Variants in INPP4A observed in about 807,000 individuals in gnomAD.
INPP4A encodes the protein inositol polyphosphate-4-phosphatase, type I, 107kD.
A neutral mutation model predicts 119.8 loss-of-function variants in INPP4A; 33 were observed. That is an observed-to-expected ratio of 0.28 (90% CI 0.21 to 0.37). The LOEUF (loss-of-function observed/expected upper bound fraction) is 0.37, where lower values mean the gene tolerates loss of function less well. INPP4A is among the 10% of genes least tolerant of loss of function. INPP4A has a pLI of 1.00. For synonymous variants in INPP4A, 496 were observed against 500.7 expected, an observed-to-expected ratio of 0.99 and a Z score of 0.12; for missense variants, 956 against 1,289.9, an observed-to-expected ratio of 0.74 and a Z score of 3.97.
In INPP4A at chr2:98,539,476, A is replaced by G. The variant is rs376200371; in HGVS notation, c.671-52A>G. On this transcript the variant is annotated intron_variant, in intron 9 of 24. Coordinates refer to ENST00000409851, the MANE Select transcript of INPP4A (RefSeq NM_001134225.2). Reference sequence around the variant, plus strand: ...GCCGGGGGAGGAGAACCCATGAGGCAGGTCTGCAGCCAGTTCATTTGCAGC... The same window carrying G: ...GCCGGGGGAGGAGAACCCATGAGGCGGGTCTGCAGCCAGTTCATTTGCAGC... The G allele has an allele frequency of 4.5e-6, 7 of 1,567,272 alleles. No individual in the cohort carries two copies. The African/African-American group carries it at 9.5e-5, about 21-fold the overall frequency.
At chr2:98,575,681 G>A (rs1041221452) in intron 23 of INPP4A, among the ~76,000 whole-genome samples, 2 of 152,056 alleles carry the variant, frequency 1.3e-5, no homozygotes, top group Non-Finnish European at 2.9e-5. Flanking sequence ...GATGATCCTG[G>A]TAGTGACTGG....
At position 98,554,244 on chromosome 2, in the gene INPP4A, G is replaced by T; in HGVS notation, c.1348-27G>T. The T allele has an allele frequency of 1.3e-6, 2 of 1,563,672 alleles. No individual in the cohort carries two copies. Among genetic ancestry groups the T allele is most frequent in the Non-Finnish European group, 8.7e-7 (1 of 1,152,364 alleles). On this transcript the variant is annotated intron_variant, in intron 14 of 24. Transcript: ENST00000409851. This position sits in a 1 kb window ranked among gnomAD's most constrained non-coding sequence, Gnocchi z 4.7. ...CTCCCCAGCCCCTGGCCTGGGCTCA[G>T]CAGCCTTGGTTTGTGTGCACCTGCA...
chr2:98,468,025 T>C (rs1046822733), intron 1 of INPP4A, among the ~76,000 whole-genome samples: 1 of 152,220 alleles, frequency 6.6e-6, no homozygotes, highest in Non-Finnish European at 1.5e-5. Context: ...CAGCCTCATC[T>C]TTGTCGAGTT....
intron 1 of INPP4A, among the ~76,000 whole-genome samples, chr2:98,508,037 A>G (rs1388356504): frequency 6.6e-6 from 1 of 152,164 alleles, no homozygotes; most frequent in Non-Finnish European, 1.5e-5. Flanking sequence ...GGCAAAGGAC[A>G]TTGCTGTGGC....
intron 1 of INPP4A, among the ~76,000 whole-genome samples, chr2:98,498,310 A>G (rs1360473684): frequency 1.3e-5 from 2 of 151,944 alleles, no homozygotes; most frequent in African/African-American, 4.8e-5. Context: ...TGATGGTTTG[A>G]TGAAGGGAAA....
At chr2:98,515,380 G>A (rs1574858169) in intron 1 of INPP4A, among the ~76,000 whole-genome samples, 2 of 149,436 alleles carry the variant, frequency 1.3e-5, no homozygotes, top group African/African-American at 4.9e-5. Context: ...CAGAGGCACA[G>A]TGAAGCTTCT....
In INPP4A at chr2:98,453,732, G is replaced by C. The variant is rs375348454; in HGVS notation, c.-166+8647G>C. 1.7e-4 allele frequency among the ~76,000 whole-genome samples: 26 copies of C among 152,288 alleles called. No individual in the cohort carries two copies. In the East Asian group the frequency reaches 4.4e-3, roughly 26 times the overall value. ...GTGAGGGCCAGTGGGAGTGGAGCTG[G>C]GGGCGTGAGGAGCAGGCACAAAGTC... On this transcript the variant is annotated intron_variant, in intron 1 of 24. Transcript: ENST00000409851.
chr2:98,463,376 G>A (rs953123689), intron 1 of INPP4A, among the ~76,000 whole-genome samples: 10 of 152,196 alleles, frequency 6.6e-5, no homozygotes, highest in African/African-American at 9.7e-5. Flanking sequence ...ATGGTGTCTC[G>A]CTGAGGCTGG....
intron 5 of INPP4A, among the ~76,000 whole-genome samples, chr2:98,535,523 A>G (rs1025176832): frequency 6.6e-6 from 1 of 152,184 alleles, no homozygotes; most frequent in Non-Finnish European, 1.5e-5. Flanking sequence ...GTAATGGTCT[A>G]TGTCAGACTT....
At chr2:98,492,345 A>C (rs765930144) in intron 1 of INPP4A, among the ~76,000 whole-genome samples, 8 of 152,060 alleles carry the variant, frequency 5.3e-5, no homozygotes, top group Non-Finnish European at 8.8e-5. Flanking sequence ...ATGATAGAAA[A>C]ATTTTCTCCT....
At chr2:98,520,818 T>C (rs914857271) in intron 4 of INPP4A, 87 bp downstream of exon 4, 15 of 722,074 alleles carry the variant, frequency 2.1e-5, no homozygotes, top group African/African-American at 3.6e-5. Flanking sequence ...CATGGGCTTG[T>C]CTCAGAGAGC....
intron 22 of INPP4A, 106 bp downstream of exon 22, chr2:98,568,774 G>T: frequency 1.5e-6 from 1 of 686,080 alleles, no homozygotes; most frequent in Admixed American, 2.1e-5. Context: ...GCCTGTGCAT[G>T]TGTGTGCACT....
At chr2:98,473,040 G>C (rs1676387612) in intron 1 of INPP4A, among the ~76,000 whole-genome samples, 1 of 150,342 alleles carries the variant, frequency 6.7e-6, no homozygotes, top group Non-Finnish European at 1.5e-5. Flanking sequence ...GGGCAGTGTG[G>C]GTGCAGTGAA....
intron 24 of INPP4A, among the ~76,000 whole-genome samples, chr2:98,581,245 C>T (rs990480965): frequency 2.0e-5 from 3 of 152,106 alleles, no homozygotes; most frequent in African/African-American, 4.8e-5. Context: ...CTTGGCCAGC[C>T]GAGAGAGTGA....
rs544864706 is a variant in INPP4A at position 98,582,853 on chromosome 2, T to A, written c.2787-4623T>A. Among the ~76,000 whole-genome samples, 5 of 151,444 alleles carry A rather than the reference T, an allele frequency of 3.3e-5. No individual in the cohort carries two copies. The South Asian group carries it at 1.0e-3, about 32-fold the overall frequency. On this transcript the variant is annotated intron_variant, in intron 24 of 24. Coordinates refer to ENST00000409851, the MANE Select transcript of INPP4A (RefSeq NM_001134225.2). ...ATAAGTCAGACACAGAAAGATCACC[T>A]ACTGCATAAGTCAAACAGAAAGATC...
At chr2:98,475,274 C>T (rs1475124898) in intron 1 of INPP4A, among the ~76,000 whole-genome samples, 3 of 152,090 alleles carry the variant, frequency 2.0e-5, no homozygotes, top group African/African-American at 7.2e-5. Flanking sequence ...GGAGATCCAT[C>T]CTGGGTGCAA....
Position 98,554,279 on chromosome 2 carries a change from G to A in INPP4A, c.1356G>A (p.Gln452=). The change falls in exon 15 of 25, where the codon CAG becomes CAA. Residue 452 remains glutamine, a synonymous_variant. Coordinates refer to ENST00000409851, the MANE Select transcript of INPP4A (RefSeq NM_001134225.2). The surrounding 1 kb of genome is among the most constrained non-coding windows in gnomAD (Gnocchi z 4.7). ...TLAILADKTR[Q]LVTVCDCKLL... ...TTTGTGTGCACCTGCAGACACGGCA[G>A]CTGGTCACGGTCTGCGACTGCAAGC... is the stretch of plus-strand genomic sequence containing the variant. The A allele has an allele frequency of 6.2e-7, 1 of 1,603,534 alleles. No individual in the cohort carries two copies. Among genetic ancestry groups the A allele is most frequent in the Non-Finnish European group, 8.5e-7 (1 of 1,175,494 alleles).
intron 1 of INPP4A, among the ~76,000 whole-genome samples, chr2:98,496,232 A>G (rs1462366414): frequency 6.6e-6 from 1 of 152,182 alleles, no homozygotes; most frequent in African/African-American, 2.4e-5. Context: ...CTCCAAGAGG[A>G]GGGGTCCAGT....
At position 98,570,126 on chromosome 2, in the gene INPP4A, C is replaced by T. The variant is rs771535022; in HGVS notation, c.2518+1458C>T. Among the ~76,000 whole-genome samples, 46 of 152,110 alleles carry T rather than the reference C, an allele frequency of 3.0e-4. No individual in the cohort carries two copies. The highest frequency in any genetic ancestry group is 2.9e-4 in the Non-Finnish European group (20 of 68,024). ...TTGCCGGCAACAGCTGGGGCCGTCC[C>T]GCTGATGAGAGAGGCGCAGGGCTAC... On this transcript the variant is annotated intron_variant, in intron 22 of 24. Transcript: ENST00000409851. The surrounding 1 kb of genome is among the most constrained non-coding windows in gnomAD (Gnocchi z 4.3).
Sources: allele counts gnomAD v4.1 joint callset (sites outside exome capture counted in the v4.1 genomes callset), GRCh38; gene constraint gnomAD v4.1.1; non-coding constraint Gnocchi (gnomAD v3.1); transcripts MANE v1.5; gene names NCBI Gene and HGNC (gene_info 2026-07-23, HGNC 2026-07-21).